The following CDK17 variants were observed in gnomAD, a reference collection of about 807,000 sequenced individuals.
CDK17 encodes the protein cyclin dependent kinase 17.
In CDK17, 24 loss-of-function variants were observed where a neutral mutation model predicts 77.6. That is an observed-to-expected ratio of 0.31 (90% confidence interval 0.22 to 0.44). CDK17 has a LOEUF of 0.44. CDK17 is among the 20% of genes least tolerant of loss of function. CDK17 has a pLI of 1.00. For synonymous variants in CDK17, 203 were observed against 210.4 expected (o/e 0.96, Z 0.30); for missense variants, 429 against 622.5 (o/e 0.69, Z 3.31).
chr12:96,293,993 C>A (rs1952363300), intron 10 of CDK17, among the ~76,000 whole-genome samples: 1 of 152,084 alleles, frequency 6.6e-6, no homozygotes, highest in African/African-American at 2.4e-5. Flanking sequence ...AAATGTCTGC[C>A]AAACACCTAA....
intron 1 of CDK17, among the ~76,000 whole-genome samples, chr12:96,383,749 C>T (rs1037456527): frequency 5.9e-5 from 9 of 152,146 alleles, no homozygotes; most frequent in African/African-American, 1.9e-4. Flanking sequence ...TGGGCCCCTA[C>T]TTTTTGTCCT....
chr12:96,386,127 G>C (rs574134576), intron 1 of CDK17, among the ~76,000 whole-genome samples: 77 of 152,258 alleles, frequency 5.1e-4, no homozygotes, highest in African/African-American at 1.7e-3. Flanking sequence ...GAGTAGCCAG[G>C]ACTACAGGCA....
intron 4 of CDK17, among the ~76,000 whole-genome samples, chr12:96,311,536 T>C (rs1374128628): frequency 6.2e-5 from 7 of 112,954 alleles, no homozygotes; most frequent in Non-Finnish European, 9.4e-5. Flanking sequence ...AGACATTATA[T>C]GATCTTGTAT....
intron 15 of CDK17, chr12:96,281,895 C>G (rs879477670): frequency 6.6e-6 from 1 of 152,098 alleles, no homozygotes; most frequent in Non-Finnish European, 1.5e-5. Context: ...CAGCTTAGTT[C>G]CCAAACATTC....
At chr12:96,367,321 G>C (rs926393231) in intron 1 of CDK17, among the ~76,000 whole-genome samples, 43 of 123,980 alleles carry the variant, frequency 3.5e-4, no homozygotes, top group Non-Finnish European at 3.5e-4. Context: ...CTTCAGCCTG[G>C]GTGACAGAAT....
At chr12:96,375,347 T>C (rs550247600) in intron 1 of CDK17, among the ~76,000 whole-genome samples, 1 of 152,070 alleles carries the variant, frequency 6.6e-6, no homozygotes, top group African/African-American at 2.4e-5. Flanking sequence ...TGCAGATTTA[T>C]TCCACCCCTT....
chr12:96,377,054 T>A (rs138833818), intron 1 of CDK17, among the ~76,000 whole-genome samples: 32 of 152,316 alleles, frequency 2.1e-4, no homozygotes, highest in African/African-American at 7.7e-4. Flanking sequence ...CTATAAGTCA[T>A]CTGAATCACC....
intron 2 of CDK17, among the ~76,000 whole-genome samples, chr12:96,328,886 G>C (rs922744750): frequency 6.6e-6 from 1 of 152,000 alleles, no homozygotes; most frequent in Non-Finnish European, 1.5e-5. Context: ...AAGAGATTGC[G>C]GCCCATGAGA....
At chr12:96,298,076 G>A (rs894574374) in intron 7 of CDK17, among the ~76,000 whole-genome samples, 1 of 152,134 alleles carries the variant, frequency 6.6e-6, no homozygotes, top group Non-Finnish European at 1.5e-5. Context: ...GGATCGTGAG[G>A]TCAGGAGATC....
rs1042401603 is a variant in CDK17, at chr12:96,349,296, A to C, written c.-29-14431T>G. ...TGGTGAAACCCCGTCTCTACTAAAAATACAAAATTAGCCGGGCATGGTGGC... is the reference window on the plus strand; with the variant it reads ...TGGTGAAACCCCGTCTCTACTAAAACTACAAAATTAGCCGGGCATGGTGGC... On this transcript the variant is annotated intron_variant, in intron 1 of 16. Transcript: ENST00000261211. Among the ~76,000 whole-genome samples the C allele has an allele frequency of 5.3e-5, 8 of 152,234 alleles. No individual in the cohort carries two copies. In the South Asian group the frequency reaches 8.3e-4, roughly 16 times the overall value.
intron 1 of CDK17, among the ~76,000 whole-genome samples, chr12:96,389,179 T>C (rs1954025221): frequency 6.6e-6 from 1 of 151,836 alleles, no homozygotes; most frequent in Admixed American, 6.6e-5. Flanking sequence ...CTCCCTATGT[T>C]GCCCAGGCTG....
At chr12:96,316,600 TG>T (rs1228751340) in intron 3 of CDK17, among the ~76,000 whole-genome samples, 1 of 140,954 alleles carries the variant, frequency 7.1e-6, no homozygotes, top group Non-Finnish European at 1.5e-5. Context: ...AGCACGCAGC[TG>T]GAGATCTGAG....
At chr12:96,381,820 A>G (rs947278735) in intron 1 of CDK17, among the ~76,000 whole-genome samples, 3 of 152,052 alleles carry the variant, frequency 2.0e-5, no homozygotes, top group Non-Finnish European at 2.9e-5. Flanking sequence ...AGAAAAAATT[A>G]AAAAAAGAAG....
chr12:96,365,843 A>G (rs1450681281), intron 1 of CDK17, among the ~76,000 whole-genome samples: 1 of 152,218 alleles, frequency 6.6e-6, no homozygotes, highest in Non-Finnish European at 1.5e-5. Flanking sequence ...GGAGTTCAAG[A>G]CCAGCTGGAC....
rs1421067013 is a variant in CDK17, at chr12:96,400,374, G to T, written c.-418C>A. 1 of 385,482 alleles carries T rather than the reference G, an allele frequency of 2.6e-6. No homozygotes were observed. The highest frequency in any genetic ancestry group is 4.6e-6 in the Non-Finnish European group (1 of 218,060). 23.9% of individuals were successfully genotyped at this position (385,482 alleles called of 1,614,324 possible). A position where few individuals can be genotyped will look rare whatever the true frequency, so the allele number is the denominator to read the frequency against. On this transcript the variant is annotated 5_prime_UTR_variant, in exon 1 of 17. Coordinates refer to ENST00000261211, the MANE Select transcript of CDK17 (RefSeq NM_002595.5). The stretch of plus-strand genomic sequence containing the variant: ...CTGCGGCGGCCCGCGGGGAGCTCAG[G>T]AGACTGCGGGCGGCCGCGTTCGCTC...
intron 1 of CDK17, among the ~76,000 whole-genome samples, chr12:96,398,520 CTCAT>C (rs1379658620): frequency 6.6e-6 from 1 of 152,192 alleles, no homozygotes; most frequent in Non-Finnish European, 1.5e-5. Flanking sequence ...GTCTTCAAAT[CTCAT>C]TCATTTTCTT....
chr12:96,383,493 G>A (rs1422291837), intron 1 of CDK17, among the ~76,000 whole-genome samples: 2 of 150,752 alleles, frequency 1.3e-5, no homozygotes, highest in Admixed American at 1.3e-4. Context: ...CAAAGCCAGA[G>A]GAATCATACT....
intron 1 of CDK17, among the ~76,000 whole-genome samples, chr12:96,389,835 G>GT (rs144451889): frequency 2.1e-4 from 29 of 138,388 alleles, no homozygotes; most frequent in Admixed American, 3.5e-4. Flanking sequence ...TTTGTTTTTT[G>GT]TTTTTTTTTT....
At chr12:96,289,516 A>G (rs1952292486) in intron 10 of CDK17, among the ~76,000 whole-genome samples, 1 of 152,200 alleles carries the variant, frequency 6.6e-6, no homozygotes, top group African/African-American at 2.4e-5. Context: ...GACTGTGCTT[A>G]CTTTTATGTT....
Sources: allele counts gnomAD v4.1 joint callset (sites outside exome capture counted in the v4.1 genomes callset), GRCh38; gene constraint gnomAD v4.1.1; transcripts MANE v1.5; gene names NCBI Gene and HGNC (gene_info 2026-07-23, HGNC 2026-07-21).